Variants in RGS6 observed in about 807,000 individuals in gnomAD.
RGS6 encodes the protein regulator of G-protein signaling 6.
RGS6 carries 30 observed loss-of-function variants against 78.5 expected under a neutral mutation model. The observed-to-expected ratio is 0.38, with a 90% confidence interval of 0.29 to 0.52. The LOEUF (loss-of-function observed/expected upper bound fraction) is 0.52, where lower values mean the gene tolerates loss of function less well. Ranked by LOEUF, RGS6 falls within the 20% of genes least tolerant of loss-of-function variation. The pLI is 0.85. For synonymous variants in RGS6, 206 were observed against 206.0 expected (o/e 1.00, Z 0.00); for missense variants, 495 against 609.7 (o/e 0.81, Z 1.98).
At chr14:72,113,975 T>G (rs998090730) in intron 2 of RGS6, among the ~76,000 whole-genome samples, 1 of 152,186 alleles carries the variant, frequency 6.6e-6, no homozygotes, top group Non-Finnish European at 1.5e-5. Flanking sequence ...GCTATTAAAG[T>G]CCTTCAAGAC....
intron 2 of RGS6, among the ~76,000 whole-genome samples, chr14:72,024,703 G>A (rs1374784809): frequency 2.0e-5 from 3 of 152,180 alleles, no homozygotes; most frequent in Non-Finnish European, 4.4e-5. Flanking sequence ...GCAGGCTTAG[G>A]TGGCTCTCCC....
chr14:72,059,560 G>C (rs1286075750), intron 2 of RGS6, among the ~76,000 whole-genome samples: 1 of 152,134 alleles, frequency 6.6e-6, no homozygotes, highest in African/African-American at 2.4e-5. Flanking sequence ...TCAGAGAGTG[G>C]TCATTGTTTC....
intron 2 of RGS6, among the ~76,000 whole-genome samples, chr14:71,970,156 T>A (rs1327992885): frequency 6.6e-6 from 1 of 152,236 alleles, no homozygotes; most frequent in African/African-American, 2.4e-5. Context: ...ATATGCTATA[T>A]ACATAACAAG....
At chr14:72,290,861 G>A (rs2063457277) in intron 2 of RGS6, among the ~76,000 whole-genome samples, 1 of 152,042 alleles carries the variant, frequency 6.6e-6, no homozygotes, top group Non-Finnish European at 1.5e-5. Flanking sequence ...TCTGTGCCAA[G>A]GGCAACAAGG....
At chr14:72,011,303 C>T (rs1210827568) in intron 2 of RGS6, among the ~76,000 whole-genome samples, 1 of 152,190 alleles carries the variant, frequency 6.6e-6, no homozygotes, top group Non-Finnish European at 1.5e-5. Flanking sequence ...TCTAGTCCTG[C>T]TTTCAATCCC....
In RGS6 at chr14:72,410,645, C is replaced by T. The variant is rs1173419399; in HGVS notation, c.185-43883C>T. Among the ~76,000 whole-genome samples the T allele has an allele frequency of 9.9e-5, 15 of 152,020 alleles. No homozygotes were observed. The South Asian group carries it at 1.2e-3, about 13-fold the overall frequency. On this transcript the variant is annotated intron_variant, in intron 3 of 17. Transcript: ENST00000553525. ...GTTTTAGACATGAAGTCCTTGCCCACGCCTATGTCCTGAATGGTATTGCCT... is the reference window on the plus strand; with the variant it reads ...GTTTTAGACATGAAGTCCTTGCCCATGCCTATGTCCTGAATGGTATTGCCT...
At chr14:72,414,778 C>T (rs886490025) in intron 3 of RGS6, among the ~76,000 whole-genome samples, 1 of 152,172 alleles carries the variant, frequency 6.6e-6, no homozygotes, top group Admixed American at 6.5e-5. Flanking sequence ...TCAGTCAGGA[C>T]CCTCAGCTGC....
At chr14:72,223,145 T>C (rs548694509) in intron 2 of RGS6, among the ~76,000 whole-genome samples, 6 of 152,310 alleles carry the variant, frequency 3.9e-5, no homozygotes, top group African/African-American at 1.4e-4. Context: ...GACTTCACAA[T>C]GAGTGTGGAA....
the RGS6 span, among the ~76,000 whole-genome samples, chr14:71,869,529 T>C: frequency 6.6e-6 from 1 of 152,334 alleles, no homozygotes; most frequent in East Asian, 1.9e-4. Context: ...CTGCTGAGAC[T>C]CAAACTGAAC....
At chr14:72,156,790 G>C (rs973477151) in intron 2 of RGS6, among the ~76,000 whole-genome samples, 20 of 152,226 alleles carry the variant, frequency 1.3e-4, no homozygotes, top group African/African-American at 4.1e-4. Flanking sequence ...GCTGCAGCCT[G>C]ATTGGCGTGC....
chr14:72,078,677 C>G (rs531306533), intron 2 of RGS6, among the ~76,000 whole-genome samples: 48 of 152,254 alleles, frequency 3.2e-4, no homozygotes, highest in Non-Finnish European at 5.6e-4. Context: ...CTTGGCCTCC[C>G]AAAGTGCTGG....
chr14:72,059,538 A>C (rs755795502), intron 2 of RGS6, among the ~76,000 whole-genome samples: 1 of 152,204 alleles, frequency 6.6e-6, no homozygotes, highest in Non-Finnish European at 1.5e-5. Context: ...GGTACTGTTT[A>C]GAACACATGC....
At chr14:72,293,412 G>A (rs1398417019) in intron 2 of RGS6, among the ~76,000 whole-genome samples, 1 of 152,112 alleles carries the variant, frequency 6.6e-6, no homozygotes, top group African/African-American at 2.4e-5. Context: ...TTGTGATGGG[G>A]TGAGGTTTTG....
At chr14:71,975,493 C>G (rs374564842) in intron 2 of RGS6, among the ~76,000 whole-genome samples, 5 of 151,378 alleles carry the variant, frequency 3.3e-5, no homozygotes, top group African/African-American at 9.7e-5. Context: ...GAGGCTTGCT[C>G]TGTCACCCAG....
chr14:72,190,584 A>C (rs557953955), intron 2 of RGS6, among the ~76,000 whole-genome samples: 55 of 152,310 alleles, frequency 3.6e-4, no homozygotes, highest in African/African-American at 1.1e-3. Context: ...AACAGGCTAC[A>C]CCTGGACAGA....
intron 2 of RGS6, among the ~76,000 whole-genome samples, chr14:72,039,399 T>C (rs947107317): frequency 6.6e-6 from 1 of 152,168 alleles, no homozygotes; most frequent in African/African-American, 2.4e-5. Context: ...ACGTTTATAC[T>C]TATTGTATCT....
chr14:71,877,403 CTTCT>C, the RGS6 span, among the ~76,000 whole-genome samples: 2 of 152,178 alleles, frequency 1.3e-5, no homozygotes, highest in Admixed American at 6.5e-5. Flanking sequence ...CTAAACTTCT[CTTCT>C]CACTTCATTT....
chr14:72,240,095 T>C (rs1325104965), intron 2 of RGS6, among the ~76,000 whole-genome samples: 1 of 152,142 alleles, frequency 6.6e-6, no homozygotes, highest in Non-Finnish European at 1.5e-5. Flanking sequence ...CCAGGTCACA[T>C]TGGGGAGGTA....
chr14:72,430,611 A>T (rs2094588523), intron 3 of RGS6, among the ~76,000 whole-genome samples: 1 of 152,026 alleles, frequency 6.6e-6, no homozygotes, highest in Non-Finnish European at 1.5e-5. Context: ...ACCTTTTCTG[A>T]GTTATGAAAG....
Sources: allele counts gnomAD v4.1 joint callset (sites outside exome capture counted in the v4.1 genomes callset), GRCh38; gene constraint gnomAD v4.1.1; transcripts MANE v1.5; gene names NCBI Gene and HGNC (gene_info 2026-07-23, HGNC 2026-07-21).